The following NEDD4L variants were observed in gnomAD, a reference collection of about 807,000 sequenced individuals.
The protein encoded by NEDD4L is E3 ubiquitin-protein ligase NEDD4-like.
NEDD4L carries 54 observed loss-of-function variants against 148.9 expected under a neutral mutation model. The ratio of observed to expected loss-of-function variants is 0.36; its 90% CI spans 0.29 to 0.45. NEDD4L has a LOEUF of 0.45. Among genes scored for constraint, NEDD4L ranks in the 20% least tolerant of loss-of-function variants. The pLI, the probability that NEDD4L is intolerant of heterozygous loss-of-function variation, is 1.00. For synonymous variants in NEDD4L, 433 were observed against 440.7 expected, an observed-to-expected ratio of 0.98 and a Z score of 0.22; for missense variants, 856 against 1,233.8, an observed-to-expected ratio of 0.69 and a Z score of 4.59.
At chr18:58,076,642 C>G (rs2083172818) in intron 1 of NEDD4L, among the ~76,000 whole-genome samples, 1 of 152,004 alleles carries the variant, frequency 6.6e-6, no homozygotes, top group Non-Finnish European at 1.5e-5. Context: ...TGAGGTGAGC[C>G]TGTGTCTTTC....
At chr18:58,316,832 A>G (rs2058323828) in intron 6 of NEDD4L, among the ~76,000 whole-genome samples, 1 of 152,254 alleles carries the variant, frequency 6.6e-6, no homozygotes, top group Admixed American at 6.5e-5. Context: ...ACGACGTGAT[A>G]GAAGTAGCAG....
intron 1 of NEDD4L, among the ~76,000 whole-genome samples, chr18:58,123,821 C>T (rs180769514): frequency 6.6e-6 from 1 of 152,120 alleles, no homozygotes; most frequent in Non-Finnish European, 1.5e-5. Context: ...CACCTGCTGC[C>T]GCGGAGGCTT....
chr18:58,286,979 T>C (rs775780278), intron 5 of NEDD4L, among the ~76,000 whole-genome samples: 13 of 152,230 alleles, frequency 8.5e-5, no homozygotes, highest in Non-Finnish European at 1.6e-4. Context: ...TATAACTTTT[T>C]ATTTGCCCAG....
chr18:58,075,727 A>C (rs1599092415), intron 1 of NEDD4L, among the ~76,000 whole-genome samples: 1 of 152,108 alleles, frequency 6.6e-6, no homozygotes, highest in Non-Finnish European at 1.5e-5. Context: ...GGAGTTCGAG[A>C]CCAGCCTGGG....
At chr18:58,066,507 CG>C (rs1417883095) in intron 1 of NEDD4L, among the ~76,000 whole-genome samples, 2 of 147,296 alleles carry the variant, frequency 1.4e-5, no homozygotes, top group Non-Finnish European at 3.0e-5. Context: ...TTAGTAGAGA[CG>C]GGGTTTCAAC....
At chr18:58,316,684 G>A (rs555588585) in intron 6 of NEDD4L, among the ~76,000 whole-genome samples, 3 of 152,324 alleles carry the variant, frequency 2.0e-5, no homozygotes, top group East Asian at 1.9e-4. Context: ...GCTGACACCC[G>A]AAACAGGAGG....
intron 1 of NEDD4L, among the ~76,000 whole-genome samples, chr18:58,103,976 ATG>A (rs1174917047): frequency 2.0e-5 from 3 of 152,280 alleles, no homozygotes; most frequent in Non-Finnish European, 4.4e-5. Context: ...GATGAAATGT[ATG>A]CTTATTCAAA....
At position 58,080,691 on chromosome 18, in the gene NEDD4L, C is replaced by T. The variant is rs569858640; in HGVS notation, c.48+35983C>T. ...TCACTTGACTGCTCTAAATAAGGAG[C>T]GAGAGGGTGGTGTGTGTGTTAACCA... On this transcript the variant is annotated intron_variant, in intron 1 of 30. Coordinates refer to ENST00000400345, the MANE Select transcript of NEDD4L (RefSeq NM_001144967.3). 3.3e-5 allele frequency among the ~76,000 whole-genome samples: 5 copies of T among 152,200 alleles called. No homozygotes were observed. The South Asian group carries it at 6.2e-4, about 19-fold the overall frequency.
chr18:58,276,659 T>C (rs1170392520), intron 5 of NEDD4L, among the ~76,000 whole-genome samples: 1 of 149,768 alleles, frequency 6.7e-6, no homozygotes, highest in Non-Finnish European at 1.5e-5. Flanking sequence ...TGCTAATGTG[T>C]TTTACAATTG....
intron 2 of NEDD4L, among the ~76,000 whole-genome samples, chr18:58,171,565 C>T (rs1313180312): frequency 6.6e-6 from 1 of 152,274 alleles, no homozygotes; most frequent in Non-Finnish European, 1.5e-5. Context: ...GGCTCCAGCC[C>T]TGTCTTATTG....
intron 2 of NEDD4L, among the ~76,000 whole-genome samples, chr18:58,207,041 C>T (rs1285732448): frequency 6.6e-6 from 1 of 152,210 alleles, no homozygotes; most frequent in East Asian, 1.9e-4. Context: ...CTCCCATCCA[C>T]TCTTTTCTCT....
chr18:58,242,471 C>T (rs158857), intron 2 of NEDD4L, among the ~76,000 whole-genome samples: 81,708 of 151,720 alleles, frequency 0.54, 22,247 homozygotes, highest in East Asian at 0.77. Context: ...GGCACCCGTT[C>T]TCCCCCTCTT....
At chr18:58,239,359 G>T (rs550533370) in intron 2 of NEDD4L, among the ~76,000 whole-genome samples, 2 of 152,152 alleles carry the variant, frequency 1.3e-5, no homozygotes, top group East Asian at 3.9e-4. Flanking sequence ...GACCTTTCTC[G>T]TTGTTCTTCT....
rs113678289 is a variant in NEDD4L at position 58,051,305 on chromosome 18, A to G, written c.48+6597A>G. On this transcript the variant is annotated intron_variant, in intron 1 of 30. Transcript: ENST00000400345. ...AAGATCACCCCAAAGAAGAACTCCC[A>G]ACATATTAAAAGTCATTGAGTTTTG... is the stretch of plus-strand genomic sequence containing the variant. Among the ~76,000 whole-genome samples the G allele has an allele frequency of 9.3e-3, 1,415 of 152,334 alleles. 34 individuals are homozygous for G. The highest frequency in any genetic ancestry group is 0.032 in the African/African-American group (1,343 of 41,560).
intron 5 of NEDD4L, among the ~76,000 whole-genome samples, chr18:58,278,779 T>A (rs2052552873): frequency 6.6e-6 from 1 of 152,232 alleles, no homozygotes; most frequent in Non-Finnish European, 1.5e-5. Context: ...GTCATATCTA[T>A]CTCAAACTAG....
intron 28 of NEDD4L, chr18:58,389,635 C>T (rs2049533317): frequency 6.5e-6 from 1 of 154,554 alleles, no homozygotes; most frequent in Admixed American, 6.4e-5. Context: ...CCAAAGATAA[C>T]ACAACATTTG....
chr18:58,134,148 G>A (rs910417806), intron 1 of NEDD4L, among the ~76,000 whole-genome samples: 4 of 151,814 alleles, frequency 2.6e-5, no homozygotes, highest in South Asian at 4.2e-4. Flanking sequence ...CTACAGGCGC[G>A]TGCCACAATG....
chr18:58,262,132 T>C (rs1050587519), intron 5 of NEDD4L, among the ~76,000 whole-genome samples: 8 of 152,306 alleles, frequency 5.3e-5, no homozygotes, highest in African/African-American at 1.4e-4. Context: ...AGCCTTCACC[T>C]GCTGCGTATG....
chr18:58,347,055 G>T (rs1011973394), intron 16 of NEDD4L, among the ~76,000 whole-genome samples: 7 of 151,918 alleles, frequency 4.6e-5, no homozygotes, highest in African/African-American at 1.7e-4. Context: ...AAGCCTCAAG[G>T]CCTCTGGCCC....
Sources: gnomAD v4.1 joint callset for allele counts (sites outside exome capture counted in the v4.1 genomes callset) on GRCh38, gnomAD v4.1.1 for gene constraint, MANE v1.5 for transcripts, NCBI Gene and HGNC (gene_info 2026-07-23, HGNC 2026-07-21) for gene names.